MIR2052HG: variants seen among roughly 807,000 people sequenced by gnomAD.
MIR2052HG encodes the protein MIR2052 host gene.
intron 4 of MIR2052HG, among the ~76,000 whole-genome samples, chr8:74,723,812 A>AG (rs1189610119): frequency 6.6e-6 from 1 of 152,224 alleles, no homozygotes; most frequent in African/African-American, 2.4e-5. Flanking sequence ...AACTGGGGTC[A>AG]GATCAGCCTA....
At chr8:74,724,246 T>TC (rs1563540190) in intron 4 of MIR2052HG, among the ~76,000 whole-genome samples, 1 of 151,780 alleles carries the variant, frequency 6.6e-6, no homozygotes. Flanking sequence ...GGCAGAAACT[T>TC]TAAAAAAAAA....
At chr8:74,636,102 G>C (rs1399745230) in intron 2 of MIR2052HG, among the ~76,000 whole-genome samples, 1 of 151,968 alleles carries the variant, frequency 6.6e-6, no homozygotes, top group Non-Finnish European at 1.5e-5. Context: ...TTCCATGAGG[G>C]GTGAGACACC....
intron 1 of MIR2052HG, among the ~76,000 whole-genome samples, chr8:74,600,453 C>G (rs933308432): frequency 6.6e-5 from 10 of 151,130 alleles, no homozygotes; most frequent in Middle Eastern, 3.2e-3. Flanking sequence ...CGTGGTTGCA[C>G]ATGCCTGTAA....
chr8:74,612,674 A>T lies in MIR2052HG; in HGVS notation n.129-179A>T, dbSNP rs143859421. On this transcript the variant is annotated intron_variant and non_coding_transcript_variant, in intron 1 of 6. Transcript: ENST00000523442. ...TTACCTTTAGAAAGTCTGGAAAATGACCATTTGTCTGAATAACTAAACTAC... is the reference window on the plus strand; with the variant it reads ...TTACCTTTAGAAAGTCTGGAAAATGTCCATTTGTCTGAATAACTAAACTAC... The T allele has an allele frequency of 2.2e-3, 732 of 330,208 alleles. 3 individuals are homozygous for T. Among genetic ancestry groups the T allele is most frequent in the African/African-American group, 0.015 (678 of 46,374 alleles). 20.5% of individuals were successfully genotyped at this position (330,208 alleles called of 1,614,324 possible).
At chr8:74,612,697 T>C (rs1457386374) in intron 1 of MIR2052HG, 1 of 336,218 alleles carries the variant, frequency 3.0e-6, no homozygotes, top group African/African-American at 2.2e-5. Context: ...ATAACTAAAC[T>C]ACTAGTTTTA....
chr8:74,690,712 G>T lies in MIR2052HG; in HGVS notation n.217-11667G>T, dbSNP rs118053088. ...ATTAAAAAGTGTTAAGCCAGGAAAA[G>T]CATTTTCTAAGGCTTTTCCAGGTCT... On this transcript the variant is annotated intron_variant and non_coding_transcript_variant, in intron 2 of 6. Coordinates refer to ENST00000523442, the Ensembl canonical transcript of MIR2052HG. Among the ~76,000 whole-genome samples the T allele has an allele frequency of 6.2e-3, 943 of 151,926 alleles. 8 individuals are homozygous for T. The highest frequency in any genetic ancestry group is 9.3e-3 in the Non-Finnish European group (629 of 67,924).
At chr8:74,673,553 C>A (rs1809015876) in intron 2 of MIR2052HG, among the ~76,000 whole-genome samples, 1 of 151,936 alleles carries the variant, frequency 6.6e-6, no homozygotes, top group African/African-American at 2.4e-5. Flanking sequence ...AGGTAAATAT[C>A]CTTCTTTGCT....
At chr8:74,652,395 G>T (rs897393490) in intron 2 of MIR2052HG, among the ~76,000 whole-genome samples, 1 of 152,158 alleles carries the variant, frequency 6.6e-6, no homozygotes, top group Non-Finnish European at 1.5e-5. Flanking sequence ...AAGGGAGCCT[G>T]TATCAGTCTA....
At chr8:74,713,541 A>G (rs536303135) in intron 4 of MIR2052HG, among the ~76,000 whole-genome samples, 1 of 151,022 alleles carries the variant, frequency 6.6e-6, no homozygotes, top group African/African-American at 2.4e-5. Context: ...TGATTCCTTA[A>G]TTTTTTACTT....
At chr8:74,615,669 G>T (rs1413532997) in intron 2 of MIR2052HG, among the ~76,000 whole-genome samples, 2 of 150,938 alleles carry the variant, frequency 1.3e-5, no homozygotes, top group African/African-American at 4.9e-5. Flanking sequence ...ATGCAGGTTT[G>T]TTACATATGT....
At chr8:74,708,803 T>A (rs759960141) in intron 4 of MIR2052HG, among the ~76,000 whole-genome samples, 16 of 150,784 alleles carry the variant, frequency 1.1e-4, no homozygotes, top group Non-Finnish European at 2.1e-4. Flanking sequence ...TTAAAAAAAA[T>A]TTAAATATTT....
At chr8:74,691,553 T>C (rs1420973875) in intron 2 of MIR2052HG, among the ~76,000 whole-genome samples, 1 of 152,154 alleles carries the variant, frequency 6.6e-6, no homozygotes, top group South Asian at 2.1e-4. Context: ...CAGTGATAAA[T>C]AGAGCTGGGA....
At chr8:74,664,818 T>C (rs1808904937) in intron 2 of MIR2052HG, among the ~76,000 whole-genome samples, 1 of 152,166 alleles carries the variant, frequency 6.6e-6, no homozygotes, top group Non-Finnish European at 1.5e-5. Context: ...GCACCAGGCC[T>C]CAACTTTTCT....
chr8:74,608,844 G>A (rs140669086), intron 1 of MIR2052HG, among the ~76,000 whole-genome samples: 1 of 152,072 alleles, frequency 6.6e-6, no homozygotes, highest in East Asian at 1.9e-4. Flanking sequence ...TATTAGAAAA[G>A]AAGAAAGGTC....
chr8:74,753,117 A>G (rs535236433), intron 5 of MIR2052HG, among the ~76,000 whole-genome samples: 33 of 152,336 alleles, frequency 2.2e-4, no homozygotes, highest in Admixed American at 1.9e-3. Flanking sequence ...GGTTAGCTCT[A>G]CTAGCTAATC....
Position 74,685,312 on chromosome 8 carries a change from C to CA in MIR2052HG, n.217-17062dup, listed in dbSNP as rs200033928. Among the ~76,000 whole-genome samples, 1,105 of 152,000 alleles carry CA rather than the reference C, an allele frequency of 7.3e-3. 14 individuals are homozygous for CA. The highest frequency in any genetic ancestry group is 7.5e-3 in the Non-Finnish European group (509 of 67,914). On this transcript the variant is annotated intron_variant and non_coding_transcript_variant, in intron 2 of 6. Transcript: ENST00000523442. ...CTTCAAAATCTTGATTCAATGATTC[C>CA]AAAAAGAATATTATTTATTCATTTG...
At chr8:74,661,455 T>C (rs1808863825) in intron 2 of MIR2052HG, among the ~76,000 whole-genome samples, 1 of 152,024 alleles carries the variant, frequency 6.6e-6, no homozygotes, top group Non-Finnish European at 1.5e-5. Context: ...CCCACCTCAG[T>C]CTCCCACAGT....
At chr8:74,619,142 A>G (rs1808325952) in intron 2 of MIR2052HG, among the ~76,000 whole-genome samples, 1 of 152,212 alleles carries the variant, frequency 6.6e-6, no homozygotes, top group African/African-American at 2.4e-5. Flanking sequence ...AAATAAAAAT[A>G]TATCCTATGT....
chr8:74,737,771 G>A (rs545575742), intron 4 of MIR2052HG, among the ~76,000 whole-genome samples: 1 of 152,246 alleles, frequency 6.6e-6, no homozygotes, highest in South Asian at 2.1e-4. Flanking sequence ...CATAAACAAT[G>A]AAATCTTCAG....
Sources: allele counts gnomAD v4.1 joint callset (sites outside exome capture counted in the v4.1 genomes callset), GRCh38; gene constraint gnomAD v4.1.1; transcripts MANE v1.5; gene names NCBI Gene and HGNC (gene_info 2026-07-23, HGNC 2026-07-21).